Variants in CNTFR observed in about 807,000 individuals in gnomAD.
CNTFR encodes ciliary neurotrophic factor receptor.
A neutral mutation model predicts 40.4 loss-of-function variants in CNTFR; 12 were observed. That is an observed-to-expected ratio of 0.30 (90% CI 0.19 to 0.48). The LOEUF (loss-of-function observed/expected upper bound fraction) is 0.48, where lower values mean the gene tolerates loss of function less well. Among genes scored for constraint, CNTFR ranks in the 20% least tolerant of loss-of-function variants. CNTFR has a pLI of 0.99. For synonymous variants in CNTFR, 202 were observed against 209.6 expected, an observed-to-expected ratio of 0.96 and a Z score of 0.31; for missense variants, 414 against 506.8, an observed-to-expected ratio of 0.82 and a Z score of 1.76.
At chr9:34,562,088 G>A (rs1826099160) in intron 4 of CNTFR, among the ~76,000 whole-genome samples, 1 of 152,190 alleles carries the variant, frequency 6.6e-6, no homozygotes, top group Non-Finnish European at 1.5e-5. Flanking sequence ...ATCAAGAATG[G>A]GGGTCCAGGG....
chr9:34,561,181 C>T (rs1037108792), intron 4 of CNTFR, among the ~76,000 whole-genome samples: 2 of 152,176 alleles, frequency 1.3e-5, no homozygotes, highest in African/African-American at 4.8e-5. Flanking sequence ...AATGCCCCGG[C>T]GACCTCCCAC....
chr9:34,570,892 C>T (rs1587147031), intron 2 of CNTFR, among the ~76,000 whole-genome samples: 1 of 152,184 alleles, frequency 6.6e-6, no homozygotes, highest in East Asian at 1.9e-4. Flanking sequence ...GGGCTCCTGC[C>T]TGCCTTTTGC....
Position 34,552,189 on chromosome 9 carries a change from C to T in CNTFR, c.1090G>A (p.Ala364Thr). The T allele has an allele frequency of 6.3e-7, 1 of 1,592,052 alleles. No individual in the cohort carries two copies. The highest frequency in any genetic ancestry group is 1.8e-5 in the Admixed American group (1 of 56,856). ...VPITLALAAA[A>T]ATASSLLI ...ATCAAGAGACTGCTGGCAGTGGCGG[C>T]AGCGGCAGCCAGGGCCAGAGTGATG... is the stretch of plus-strand genomic sequence containing the variant. The change falls in exon 9 of 10, where the codon GCC (alanine) becomes ACC (threonine). Residue 364 changes from alanine to threonine, a missense_variant. Physicochemically the swap from Ala to Thr is moderately conservative, Grantham distance 58. This residue lies in a region of CNTFR where 81 missense variants were observed against 92.2 expected (regional missense o/e 0.88). Coordinates refer to ENST00000378980, the MANE Select transcript of CNTFR (RefSeq NM_147164.3). This position sits in a 1 kb window ranked among gnomAD's most constrained non-coding sequence, Gnocchi z 5.1.
chr9:34,579,414 G>C (rs895450176), intron 2 of CNTFR, among the ~76,000 whole-genome samples: 2 of 152,118 alleles, frequency 1.3e-5, no homozygotes, highest in South Asian at 2.1e-4. Flanking sequence ...GGAGAAGGAG[G>C]GGGGTGGAGA....
intron 1 of CNTFR, among the ~76,000 whole-genome samples, chr9:34,588,074 T>C (rs931039634): frequency 6.6e-6 from 1 of 152,190 alleles, no homozygotes; most frequent in African/African-American, 2.4e-5. Flanking sequence ...GCATGAACTT[T>C]AAACTCCTAG....
chr9:34,561,420 G>A (rs1400424071), intron 4 of CNTFR, among the ~76,000 whole-genome samples: 3 of 152,174 alleles, frequency 2.0e-5, no homozygotes, highest in African/African-American at 4.8e-5. Flanking sequence ...AGAATCAGCA[G>A]TGTCTTGTAA....
chr9:34,573,935 G>A (rs188287817), intron 2 of CNTFR, among the ~76,000 whole-genome samples: 159 of 152,372 alleles, frequency 1.0e-3, no homozygotes, highest in African/African-American at 3.6e-3. Context: ...GGCAAAGACA[G>A]GGACAAGGAC....
intron 3 of CNTFR, among the ~76,000 whole-genome samples, 198 bp downstream of exon 3, chr9:34,568,699 C>T (rs1056440827): frequency 3.9e-5 from 6 of 152,146 alleles, no homozygotes; most frequent in African/African-American, 1.2e-4. Context: ...CCAGAGACAC[C>T]GTCAGCATTC....
At chr9:34,563,421 C>T (rs575958981) in intron 4 of CNTFR, among the ~76,000 whole-genome samples, 7 of 152,354 alleles carry the variant, frequency 4.6e-5, no homozygotes, top group Middle Eastern at 3.4e-3. Context: ...CTCAGGTGCA[C>T]GTTCTGCATC....
intron 3 of CNTFR, among the ~76,000 whole-genome samples, chr9:34,567,628 C>T (rs1266147324): frequency 6.6e-6 from 1 of 152,056 alleles, no homozygotes; most frequent in African/African-American, 2.4e-5. Context: ...CAGTTTAATA[C>T]AAACACACAA....
chr9:34,566,979 G>A (rs1319202171), intron 3 of CNTFR, among the ~76,000 whole-genome samples: 2 of 152,196 alleles, frequency 1.3e-5, no homozygotes, highest in African/African-American at 2.4e-5. Context: ...CAGTGGAGAG[G>A]TGGAGGGGTA....
At chr9:34,569,101 C>A in intron 2 of CNTFR, 120 bp from the exon 3 acceptor site, 1 of 884,194 alleles carries the variant, frequency 1.1e-6, no homozygotes. Context: ...CCTGGAGAGG[C>A]CCTCACCCGC....
At chr9:34,564,155 C>T (rs1450839603) in intron 4 of CNTFR, among the ~76,000 whole-genome samples, 1 of 152,160 alleles carries the variant, frequency 6.6e-6, no homozygotes, top group Non-Finnish European at 1.5e-5. Context: ...TCCCTGGGGC[C>T]TCCTGGAGCG....
intron 1 of CNTFR, chr9:34,582,316 TC>T (rs1827346553): frequency 6.8e-6 from 1 of 146,584 alleles, no homozygotes; most frequent in Non-Finnish European, 1.5e-5. Flanking sequence ...TTGGAGGTAA[TC>T]CTGTTTCTGT....
intron 7 of CNTFR, among the ~76,000 whole-genome samples, chr9:34,556,024 C>T (rs73500901): frequency 6.0e-5 from 9 of 149,908 alleles, no homozygotes; most frequent in African/African-American, 2.2e-4. Flanking sequence ...CCCCAGGGAG[C>T]CACAGAAAGA....
At chr9:34,568,870 C>T in intron 3 of CNTFR, 27 bp downstream of exon 3, 3 of 1,558,416 alleles carry the variant, frequency 1.9e-6, no homozygotes, top group Non-Finnish European at 2.6e-6. Flanking sequence ...AGAGGGGGGT[C>T]AGCAGGCGGC....
chr9:34,558,904 TG>T (rs1825957484), intron 4 of CNTFR, among the ~76,000 whole-genome samples: 1 of 152,224 alleles, frequency 6.6e-6, no homozygotes. Context: ...TCCTTTCTGC[TG>T]TCTAGCCCGC....
chr9:34,564,618 T>C lies in CNTFR; in HGVS notation c.300A>G (p.Gln100=), dbSNP rs1302077976. The part of the protein sequence containing the change: ...FHRDSWHLRH[Q]VLLHVGLPPR... ...ACTTACAGCCCACATGCAGCAGGAC[T>C]TGGTGGCGCAGGTGCCAGGAGTCAC... is the stretch of plus-strand genomic sequence containing the variant. The change falls in exon 4 of 10, where the codon CAA becomes CAG. Residue 100 remains glutamine (Q), a synonymous_variant. Transcript: ENST00000378980. The C allele has an allele frequency of 6.2e-7, 1 of 1,610,682 alleles. No homozygotes were observed. The highest frequency in any genetic ancestry group is 2.2e-5 in the East Asian group (1 of 44,750).
intron 7 of CNTFR, among the ~76,000 whole-genome samples, chr9:34,554,252 C>T (rs949666601): frequency 9.2e-5 from 14 of 152,178 alleles, no homozygotes; most frequent in African/African-American, 1.7e-4. Flanking sequence ...TGAGTAGCCA[C>T]GGCTCCTTCG....
Sources: gnomAD v4.1 joint callset for allele counts (sites outside exome capture counted in the v4.1 genomes callset) on GRCh38, gnomAD v4.1.1 for gene constraint, gnomAD v4.1.1 regional missense constraint, Gnocchi (gnomAD v3.1) non-coding constraint, MANE v1.5 for transcripts, NCBI Gene and HGNC (gene_info 2026-07-23, HGNC 2026-07-21) for gene names.